The following RELCH variants were observed in gnomAD, a reference collection of about 807,000 sequenced individuals.
RELCH encodes RAB11-binding protein RELCH.
Under a neutral mutation model 150.3 loss-of-function variants are expected in RELCH, and 41 were observed. The ratio of observed to expected loss-of-function variants is 0.27; its 90% CI spans 0.21 to 0.35. The LOEUF is 0.35. Among genes scored for constraint, RELCH ranks in the 10% least tolerant of loss-of-function variants. The pLI, the probability that RELCH is intolerant of heterozygous loss-of-function variation, is 1.00. For synonymous variants in RELCH, 478 were observed against 531.8 expected, an observed-to-expected ratio of 0.90 and a Z score of 1.39; for missense variants, 1,092 against 1,467.8, an observed-to-expected ratio of 0.74 and a Z score of 4.18.
intron 27 of RELCH, among the ~76,000 whole-genome samples, chr18:62,295,300 C>A (rs1474303875): frequency 6.6e-6 from 1 of 150,526 alleles, no homozygotes; most frequent in African/African-American, 2.4e-5. Context: ...GCGTGAGCCA[C>A]CATCCCCAGC....
At position 62,228,888 on chromosome 18, in the gene RELCH, A is replaced by T. The variant is rs76188957; in HGVS notation, c.1448+290A>T. ...TATGTTATTACTATGTGCTGTAAAC[A>T]CTTACCCAGTGCTTTTTTCTCTATC... On this transcript the variant is annotated intron_variant, in intron 8 of 28. Transcript: ENST00000644646. 3.7e-3 allele frequency among the ~76,000 whole-genome samples: 563 copies of T among 152,196 alleles called. 3 individuals carry two copies. Among genetic ancestry groups the T allele is most frequent in the African/African-American group, 0.013 (544 of 41,540 alleles).
chr18:62,201,963 A>G (rs554407247), intron 1 of RELCH, among the ~76,000 whole-genome samples: 58 of 152,338 alleles, frequency 3.8e-4, no homozygotes, highest in Non-Finnish European at 7.2e-4. Flanking sequence ...TTAAATGTAA[A>G]TATAAATAAA....
intron 28 of RELCH, among the ~76,000 whole-genome samples, chr18:62,303,893 T>C (rs1215832508): frequency 1.3e-5 from 2 of 152,206 alleles, no homozygotes; most frequent in African/African-American, 4.8e-5. Flanking sequence ...GTTAATCTGG[T>C]AATTAAAGAT....
intron 19 of RELCH, among the ~76,000 whole-genome samples, chr18:62,266,952 A>G (rs1007034410): frequency 6.6e-5 from 10 of 151,894 alleles, no homozygotes; most frequent in African/African-American, 2.2e-4. Flanking sequence ...ATCCCTGTCA[A>G]TCTGATTGTG....
chr18:62,279,716 C>T, intron 22 of RELCH, 58 bp from the exon 23 acceptor site: 1 of 1,119,280 alleles, frequency 8.9e-7, no homozygotes, highest in East Asian at 2.6e-5. Flanking sequence ...TCCCGTGGCG[C>T]ACTGTGTTTG....
intron 28 of RELCH, among the ~76,000 whole-genome samples, chr18:62,302,886 G>A (rs979262712): frequency 6.6e-6 from 1 of 152,168 alleles, no homozygotes; most frequent in Admixed American, 6.5e-5. Flanking sequence ...TAGTTTTAAA[G>A]AAGATAGGGA....
At chr18:62,195,278 C>CTGTGTGTGTG (rs1491143110) in intron 1 of RELCH, among the ~76,000 whole-genome samples, 6 of 113,162 alleles carry the variant, frequency 5.3e-5, no homozygotes, top group African/African-American at 1.9e-4. Flanking sequence ...TATACACACA[C>CTGTGTGTGTG]TCTGTGTGTG....
At chr18:62,240,917 G>A (rs1398345242) in intron 10 of RELCH, among the ~76,000 whole-genome samples, 3 of 152,030 alleles carry the variant, frequency 2.0e-5, no homozygotes, top group Non-Finnish European at 2.9e-5. Context: ...AGTTGGGCTG[G>A]CGAGACTGAG....
chr18:62,244,984 G>A (rs2042328263), intron 11 of RELCH, 108 bp downstream of exon 11: 1 of 729,048 alleles, frequency 1.4e-6, no homozygotes, highest in Admixed American at 2.1e-5. Flanking sequence ...TTTCCTTCCA[G>A]TATCTATTTT....
intron 5 of RELCH, among the ~76,000 whole-genome samples, chr18:62,225,403 A>G (rs1299389572): frequency 5.3e-5 from 8 of 152,040 alleles, no homozygotes; most frequent in Admixed American, 5.2e-4. Flanking sequence ...GAATGAGAAG[A>G]CCGAGAGGGT....
At chr18:62,302,555 C>G (rs753458534) in intron 28 of RELCH, among the ~76,000 whole-genome samples, 26 of 152,138 alleles carry the variant, frequency 1.7e-4, no homozygotes, top group Non-Finnish European at 3.1e-4. Flanking sequence ...GAGTCTCACT[C>G]TGTCTCCCAG....
intron 2 of RELCH, 164 bp from the exon 3 acceptor site, chr18:62,220,873 A>C: frequency 1.5e-6 from 1 of 658,930 alleles, no homozygotes; most frequent in African/African-American, 1.8e-5. Flanking sequence ...TTGCAAATCA[A>C]CTCTGCTGCA....
chr18:62,265,514 G>A (rs2043506241), intron 18 of RELCH, among the ~76,000 whole-genome samples: 1 of 151,878 alleles, frequency 6.6e-6, no homozygotes, highest in African/African-American at 2.4e-5. Context: ...AACATAAAAA[G>A]GTGTAGTTTC....
chr18:62,241,270 C>T (rs568503637), intron 10 of RELCH, among the ~76,000 whole-genome samples: 30 of 152,210 alleles, frequency 2.0e-4, no homozygotes, highest in African/African-American at 7.0e-4. Context: ...ATTATTTTTA[C>T]CACTCAGAGC....
At position 62,262,521 on chromosome 18, in the gene RELCH, G is replaced by A. The variant is rs145745543; in HGVS notation, c.2350+863G>A. On this transcript the variant is annotated intron_variant, in intron 16 of 28. Coordinates refer to ENST00000644646, the MANE Select transcript of RELCH (RefSeq NM_001346231.2). ...TGCAGTGTGTCCAAAGATACATGAA[G>A]CCACATGATAAAAATAGTGTATACT... Among the ~76,000 whole-genome samples, 85 of 152,158 alleles carry A rather than the reference G, an allele frequency of 5.6e-4. No individual in the cohort carries two copies. The East Asian group carries it at 0.013, about 23-fold the overall frequency.
intron 27 of RELCH, 51 bp from the exon 28 acceptor site, chr18:62,298,739 A>C (rs752982160): frequency 1.2e-6 from 1 of 833,202 alleles, no homozygotes; most frequent in East Asian, 2.5e-5. Flanking sequence ...ATTAAACCAT[A>C]GTATTTTACT....
In RELCH at chr18:62,214,889, A is replaced by AC. The variant is rs774949015; in HGVS notation, c.616+3653dup. On this transcript the variant is annotated intron_variant, in intron 2 of 28. Coordinates refer to ENST00000644646, the MANE Select transcript of RELCH (RefSeq NM_001346231.2). ...TGGTCCTGCCTCCCAAAACTACTCT[A>AC]CCCCCCTAGAACTCTGGGCCTGTGA... Among the ~76,000 whole-genome samples the AC allele has an allele frequency of 5.9e-5, 9 of 151,854 alleles. No homozygotes were observed. In the East Asian group the frequency reaches 1.2e-3, roughly 20 times the overall value.
chr18:62,251,080 TA>T (rs897411762), intron 11 of RELCH, among the ~76,000 whole-genome samples: 54 of 152,194 alleles, frequency 3.5e-4, no homozygotes, highest in African/African-American at 1.3e-3. Flanking sequence ...ATGTTTTTTT[TA>T]GTTACAAATC....
chr18:62,230,612 T>G (rs932612257), intron 8 of RELCH, among the ~76,000 whole-genome samples: 1 of 152,124 alleles, frequency 6.6e-6, no homozygotes, highest in South Asian at 2.1e-4. Flanking sequence ...CCTCCTTTAT[T>G]AAACATAAAT....
Sources: allele counts gnomAD v4.1 joint callset (sites outside exome capture counted in the v4.1 genomes callset), GRCh38; gene constraint gnomAD v4.1.1; transcripts MANE v1.5; gene names NCBI Gene and HGNC (gene_info 2026-07-23, HGNC 2026-07-21).